The following SCFD2 variants were observed in gnomAD, a reference collection of about 807,000 sequenced individuals.
The protein encoded by SCFD2 is sec1 family domain-containing protein 2.
In SCFD2, 54 loss-of-function variants were observed where a neutral mutation model predicts 58.9. The ratio of observed to expected loss-of-function variants is 0.92; its 90% CI spans 0.74 to 1.15. The LOEUF is 1.15. Ranked by LOEUF, SCFD2 falls within the 50% of genes most tolerant of loss-of-function variation. SCFD2 has a pLI of 0.00. For synonymous variants in SCFD2, 321 were observed against 335.9 expected, an observed-to-expected ratio of 0.96 and a Z score of 0.49; for missense variants, 805 against 836.6, an observed-to-expected ratio of 0.96 and a Z score of 0.47.
chr4:53,234,916 G>C (rs1435209691), intron 4 of SCFD2, among the ~76,000 whole-genome samples: 1 of 152,238 alleles, frequency 6.6e-6, no homozygotes, highest in Non-Finnish European at 1.5e-5. Flanking sequence ...CACACAAAGT[G>C]AAAATAGGTG....
chr4:53,169,897 A>G (rs965068086), intron 4 of SCFD2, among the ~76,000 whole-genome samples: 3 of 152,072 alleles, frequency 2.0e-5, no homozygotes, highest in Admixed American at 2.0e-4. Flanking sequence ...CTTACCATTG[A>G]GATGTTTCGG....
intron 3 of SCFD2, among the ~76,000 whole-genome samples, chr4:53,276,091 C>T (rs1731318422): frequency 6.6e-6 from 1 of 151,472 alleles, no homozygotes; most frequent in Non-Finnish European, 1.5e-5. Context: ...GAGCAGGTTT[C>T]TAGGACAGAT....
intron 5 of SCFD2, among the ~76,000 whole-genome samples, chr4:52,991,983 G>GCCTCTA (rs1209844645): frequency 6.6e-6 from 1 of 151,814 alleles, no homozygotes; most frequent in Non-Finnish European, 1.5e-5. Context: ...GTATGTTTTT[G>GCCTCTA]CCTCTCCCTC....
At chr4:53,202,506 C>T (rs1243052684) in intron 4 of SCFD2, among the ~76,000 whole-genome samples, 9 of 150,726 alleles carry the variant, frequency 6.0e-5, no homozygotes, top group East Asian at 2.0e-4. Flanking sequence ...CTTGGCAATG[C>T]AGGCTCTTTT....
intron 5 of SCFD2, among the ~76,000 whole-genome samples, chr4:53,039,531 C>A (rs1245288395): frequency 6.6e-6 from 1 of 152,062 alleles, no homozygotes. Context: ...TCTATTGGGC[C>A]AATCTTCTCA....
intron 6 of SCFD2, among the ~76,000 whole-genome samples, chr4:52,911,914 C>T (rs542015018): frequency 6.6e-6 from 1 of 152,176 alleles, no homozygotes; most frequent in African/African-American, 2.4e-5. Context: ...GCAGGAAGAA[C>T]AGGCAGGAAC....
chr4:53,236,827 TATTTATTTATTTATTTATTTA>T (rs779225054), intron 4 of SCFD2, among the ~76,000 whole-genome samples: 20 of 137,872 alleles, frequency 1.5e-4, no homozygotes, highest in Non-Finnish European at 3.1e-4. Flanking sequence ...TTTATTTATT[TATTTATTTATTTATTTATTTA>T]TTTATTTTTT....
At chr4:53,361,348 TAACTC>T (rs1427540320) in intron 1 of SCFD2, among the ~76,000 whole-genome samples, 5 of 152,218 alleles carry the variant, frequency 3.3e-5, no homozygotes, top group Admixed American at 2.6e-4. Context: ...AAAGAACACT[TAACTC>T]AATTTGTTGA....
At chr4:53,331,321 T>G (rs1307834231) in intron 2 of SCFD2, among the ~76,000 whole-genome samples, 1 of 151,416 alleles carries the variant, frequency 6.6e-6, no homozygotes, top group Admixed American at 6.6e-5. Flanking sequence ...CCACACCTAT[T>G]CCAAAATTGA....
intron 5 of SCFD2, among the ~76,000 whole-genome samples, chr4:52,959,649 T>C (rs1397178328): frequency 6.6e-6 from 1 of 152,178 alleles, no homozygotes; most frequent in Non-Finnish European, 1.5e-5. Context: ...TCTTGCTTCG[T>C]ATACGACACA....
At chr4:52,973,916 A>C (rs992611619) in intron 5 of SCFD2, among the ~76,000 whole-genome samples, 10 of 152,200 alleles carry the variant, frequency 6.6e-5, no homozygotes, top group African/African-American at 1.9e-4. Context: ...AAGAACAAAA[A>C]CCATATGGTT....
intron 4 of SCFD2, among the ~76,000 whole-genome samples, chr4:53,251,420 G>A (rs1440434365): frequency 6.6e-6 from 1 of 152,112 alleles, no homozygotes. Context: ...GCCTGGCAGA[G>A]ACACAACAAA....
At chr4:53,167,463 G>A (rs990435463) in intron 4 of SCFD2, among the ~76,000 whole-genome samples, 8 of 152,068 alleles carry the variant, frequency 5.3e-5, no homozygotes, top group African/African-American at 1.4e-4. Context: ...TCTAACTTAC[G>A]GAGAATACTG....
chr4:52,906,783 C>T (rs535036915), intron 7 of SCFD2, among the ~76,000 whole-genome samples: 81 of 152,158 alleles, frequency 5.3e-4, no homozygotes, highest in Non-Finnish European at 8.5e-4. Flanking sequence ...TCTGTTACTT[C>T]CAAGAGTTAT....
At chr4:53,280,438 C>T (rs1204672174) in intron 3 of SCFD2, among the ~76,000 whole-genome samples, 1 of 151,970 alleles carries the variant, frequency 6.6e-6, no homozygotes, top group Non-Finnish European at 1.5e-5. Flanking sequence ...ATTACCTGAG[C>T]CCAGGAGACA....
At chr4:53,287,007 A>G (rs150608667) in intron 3 of SCFD2, among the ~76,000 whole-genome samples, 19 of 152,100 alleles carry the variant, frequency 1.2e-4, no homozygotes, top group African/African-American at 4.1e-4. Flanking sequence ...TCTGCTCCCC[A>G]GGGCCTGACG....
At chr4:52,884,943 C>T (rs1718699780) in intron 8 of SCFD2, among the ~76,000 whole-genome samples, 1 of 152,230 alleles carries the variant, frequency 6.6e-6, no homozygotes, top group South Asian at 2.1e-4. Flanking sequence ...TTAAGATTCA[C>T]AGCCACCCTG....
intron 5 of SCFD2, among the ~76,000 whole-genome samples, chr4:52,941,544 T>G (rs1250121544): frequency 6.6e-6 from 1 of 152,204 alleles, no homozygotes; most frequent in Non-Finnish European, 1.5e-5. Flanking sequence ...ATTACCCCAC[T>G]GTGTTAAACC....
intron 5 of SCFD2, among the ~76,000 whole-genome samples, chr4:53,110,699 G>A (rs547550454): frequency 3.3e-5 from 5 of 152,346 alleles, no homozygotes; most frequent in Non-Finnish European, 7.3e-5. Context: ...AGACGCTGGA[G>A]AGGATGTGGA....
Sources: gnomAD v4.1 joint callset for allele counts (sites outside exome capture counted in the v4.1 genomes callset) on GRCh38, gnomAD v4.1.1 for gene constraint, MANE v1.5 for transcripts, NCBI Gene and HGNC (gene_info 2026-07-23, HGNC 2026-07-21) for gene names.